Variants in CCDC169 observed in about 807,000 individuals in gnomAD.
CCDC169 encodes the protein coiled-coil domain containing 169.
In CCDC169, 30 loss-of-function variants were observed where a neutral mutation model predicts 36.0. That is an observed-to-expected ratio of 0.83 (90% CI 0.62 to 1.13). CCDC169 has a LOEUF of 1.13. Ranked by LOEUF, CCDC169 falls within the 50% of genes most tolerant of loss-of-function variation. The pLI, the probability that CCDC169 is intolerant of heterozygous loss-of-function variation, is 0.00. For missense variants in CCDC169, 245 were observed against 245.9 expected, an observed-to-expected ratio of 1.00 and a Z score of 0.03; for synonymous variants, 85 against 81.5, an observed-to-expected ratio of 1.04 and a Z score of -0.23.
At chr13:36,248,231 A>C (rs1216381848) in intron 7 of CCDC169, among the ~76,000 whole-genome samples, 1 of 152,186 alleles carries the variant, frequency 6.6e-6, no homozygotes, top group Non-Finnish European at 1.5e-5. Context: ...TGTGTAACTC[A>C]CTTCATCGTG....
chr13:36,240,596 G>A (rs895882594), intron 7 of CCDC169: 1 of 1,274,084 alleles, frequency 7.8e-7, no homozygotes, highest in Non-Finnish European at 1.0e-6. Flanking sequence ...TTTCCCTCAG[G>A]TTCTTTTGCT....
chr13:36,294,567 A>G (rs2138660065), intron 2 of CCDC169, among the ~76,000 whole-genome samples: 1 of 152,188 alleles, frequency 6.6e-6, no homozygotes, highest in East Asian at 1.9e-4. Flanking sequence ...ATTGAGGAAG[A>G]GTATAAATGT....
At chr13:36,241,267 A>G (rs959320528) in intron 7 of CCDC169, among the ~76,000 whole-genome samples, 4 of 152,232 alleles carry the variant, frequency 2.6e-5, no homozygotes, top group Non-Finnish European at 4.4e-5. Flanking sequence ...ACTTGATTAA[A>G]AGTTCACAAA....
intron 7 of CCDC169, among the ~76,000 whole-genome samples, chr13:36,236,706 C>A (rs1024466015): frequency 1.3e-5 from 2 of 151,956 alleles, no homozygotes; most frequent in Non-Finnish European, 2.9e-5. Context: ...AATTATAAAT[C>A]TTTTATCTGA....
At chr13:36,269,242 CA>C (rs1875733807) in intron 4 of CCDC169, among the ~76,000 whole-genome samples, 1 of 152,136 alleles carries the variant, frequency 6.6e-6, no homozygotes, top group Admixed American at 6.5e-5. Flanking sequence ...AAACCCTCAA[CA>C]GATCAATAAT....
intron 2 of CCDC169, among the ~76,000 whole-genome samples, chr13:36,289,068 A>G (rs577174657): frequency 6.6e-6 from 1 of 152,292 alleles, no homozygotes; most frequent in Non-Finnish European, 1.5e-5. Flanking sequence ...ATTATTTTTA[A>G]TAGTCTTTCT....
At chr13:36,237,522 G>T (rs1319674703) in intron 7 of CCDC169, among the ~76,000 whole-genome samples, 1 of 152,094 alleles carries the variant, frequency 6.6e-6, no homozygotes, top group African/African-American at 2.4e-5. Flanking sequence ...ATAGTGAAGA[G>T]GTGTAAACAT....
chr13:36,292,198 T>G (rs1878985161), intron 2 of CCDC169, among the ~76,000 whole-genome samples: 2 of 152,162 alleles, frequency 1.3e-5, no homozygotes, highest in African/African-American at 2.4e-5. Flanking sequence ...TTCACCATGT[T>G]GGCCAGGCTG....
chr13:36,294,754 T>C (rs933297285), intron 2 of CCDC169, among the ~76,000 whole-genome samples: 3 of 151,916 alleles, frequency 2.0e-5, no homozygotes, highest in East Asian at 1.9e-4. Context: ...AGGGTTGAGA[T>C]TGATTGAGCA....
At chr13:36,281,386 C>A in intron 4 of CCDC169, 3 of 359,064 alleles carry the variant, frequency 8.4e-6, no homozygotes, top group Non-Finnish European at 1.6e-5. Flanking sequence ...TAAATTACCC[C>A]ACTGAAAGAC....
At chr13:36,262,232 T>C (rs1007047350) in intron 4 of CCDC169, among the ~76,000 whole-genome samples, 1 of 152,128 alleles carries the variant, frequency 6.6e-6, no homozygotes, top group Admixed American at 6.5e-5. Context: ...TGGGGAGGTA[T>C]GTGATCTCAT....
chr13:36,258,414 A>T (rs1035596249), intron 4 of CCDC169, among the ~76,000 whole-genome samples: 1 of 152,160 alleles, frequency 6.6e-6, no homozygotes, highest in Non-Finnish European at 1.5e-5. Context: ...CACAGGATGA[A>T]ATAGGAGGTT....
chr13:36,243,521 A>C (rs1872114409), intron 7 of CCDC169, among the ~76,000 whole-genome samples: 1 of 147,762 alleles, frequency 6.8e-6, no homozygotes, highest in Admixed American at 6.8e-5. Flanking sequence ...ACATAAATAC[A>C]TAAGGCCAGG....
At chr13:36,232,889 A>G (rs969643042) in intron 7 of CCDC169, among the ~76,000 whole-genome samples, 1 of 152,120 alleles carries the variant, frequency 6.6e-6, no homozygotes, top group African/African-American at 2.4e-5. Context: ...CTCTAAAAAA[A>G]AGGAAAAGCT....
chr13:36,286,614 CTT>C (rs1329494393), intron 2 of CCDC169, among the ~76,000 whole-genome samples: 2 of 152,116 alleles, frequency 1.3e-5, no homozygotes, highest in Non-Finnish European at 2.9e-5. Flanking sequence ...CTTTGTCTCT[CTT>C]TCTCTCTCTC....
chr13:36,251,233 T>TA (rs1873114343), intron 6 of CCDC169, among the ~76,000 whole-genome samples: 1 of 152,224 alleles, frequency 6.6e-6, no homozygotes, highest in South Asian at 2.1e-4. Context: ...TAGCTCTAGT[T>TA]ATCTACCAAT....
At chr13:36,248,512 G>A (rs1400975807) in intron 7 of CCDC169, 94 bp downstream of exon 7, 22 of 1,190,084 alleles carry the variant, frequency 1.8e-5, no homozygotes, top group South Asian at 4.4e-5. Flanking sequence ...AAACCTAGAA[G>A]TTCAGCTTCC....
chr13:36,275,093 C>A (rs9566016), intron 4 of CCDC169, among the ~76,000 whole-genome samples: 267 of 152,106 alleles, frequency 1.8e-3, no homozygotes, highest in African/African-American at 6.0e-3. Flanking sequence ...TGGTCTCGAT[C>A]TATGACCTCG....
At chr13:36,279,849 A>T (rs1363251721) in intron 4 of CCDC169, among the ~76,000 whole-genome samples, 1 of 152,206 alleles carries the variant, frequency 6.6e-6, no homozygotes, top group Non-Finnish European at 1.5e-5. Flanking sequence ...GAAAATATTT[A>T]CTATTTATCC....
Sources: gnomAD v4.1 joint callset for allele counts (sites outside exome capture counted in the v4.1 genomes callset) on GRCh38, gnomAD v4.1.1 for gene constraint, MANE v1.5 for transcripts, NCBI Gene and HGNC (gene_info 2026-07-23, HGNC 2026-07-21) for gene names.